Variants in CPN1 observed in about 807,000 individuals in gnomAD.
CPN1 encodes carboxypeptidase N catalytic chain.
A neutral mutation model predicts 46.4 loss-of-function variants in CPN1; 37 were observed. That is an observed-to-expected ratio of 0.80 (90% CI 0.61 to 1.05). The LOEUF (loss-of-function observed/expected upper bound fraction) is 1.05, where lower values mean the gene tolerates loss of function less well. CPN1 is among the 50% of genes least tolerant of loss of function. CPN1 has a pLI of 0.00. For missense variants in CPN1, 563 were observed against 602.6 expected (o/e 0.93, Z 0.69); for synonymous variants, 224 against 235.4 (o/e 0.95, Z 0.44).
Position 100,065,215 on chromosome 10 carries a change from G to A in CPN1, c.732C>T (p.Pro244=), listed in dbSNP as rs139499188. 11 of 1,613,862 alleles carry A rather than the reference G, an allele frequency of 6.8e-6. No individual in the cohort carries two copies. Among genetic ancestry groups the A allele is most frequent in the African/African-American group, 4.0e-5 (3 of 74,920 alleles). The change falls in exon 4 of 9, where the codon CCC becomes CCT. Residue 244 remains proline (P), a synonymous_variant. Coordinates refer to ENST00000370418, the MANE Select transcript of CPN1 (RefSeq NM_001308.3). ...VRGVRRTAST[P]TPDDKLFQKL... ...TCTGGAAGAGCTTGTCGTCAGGCGT[G>A]GGGGTGCTGGCGGTGCGGCGGACCC...
intron 5 of CPN1, among the ~76,000 whole-genome samples, chr10:100,059,592 C>CAAAA (rs71013408): frequency 0.022 from 2,575 of 114,958 alleles, 99 homozygotes; most frequent in African/African-American, 0.078. Context: ...TGGCTACTAT[C>CAAAA]AAAAAAAAAA....
At chr10:100,059,842 G>A (rs1312246855) in intron 5 of CPN1, among the ~76,000 whole-genome samples, 1 of 152,170 alleles carries the variant, frequency 6.6e-6, no homozygotes, top group Non-Finnish European at 1.5e-5. Flanking sequence ...AGCAACCCAA[G>A]TGTCCATTGG....
chr10:100,062,590 ATTCT>A (rs1333452549), intron 5 of CPN1, among the ~76,000 whole-genome samples: 2 of 139,714 alleles, frequency 1.4e-5, no homozygotes, highest in South Asian at 2.2e-4. Flanking sequence ...CGAGGCAAGT[ATTCT>A]TTCTTTTTTT....
intron 2 of CPN1, among the ~76,000 whole-genome samples, chr10:100,074,247 G>A (rs998093942): frequency 3.9e-5 from 6 of 152,168 alleles, no homozygotes; most frequent in South Asian, 2.1e-4. Flanking sequence ...GTGTAGCCAC[G>A]CAGACAGCTT....
rs1276756041 is a variant in CPN1, at chr10:100,056,896, C to A, written c.1011+117G>T. On this transcript the variant is annotated intron_variant, in intron 6 of 8. Coordinates refer to ENST00000370418, the MANE Select transcript of CPN1 (RefSeq NM_001308.3). ...ATAAATCTCAATGGAAGAAGACGCCCAGATCTATTGGACTGAGTCAGAGCA... is the reference window on the plus strand; with the variant it reads ...ATAAATCTCAATGGAAGAAGACGCCAAGATCTATTGGACTGAGTCAGAGCA... 2.4e-6 allele frequency: 3 copies of A among 1,256,556 alleles called. No homozygotes were observed. The Admixed American group carries it at 5.2e-5, about 22-fold the overall frequency. The allele number at this position is 1,256,556 out of a possible 1,614,324, so 77.8% of individuals were successfully genotyped here.
intron 7 of CPN1, among the ~76,000 whole-genome samples, chr10:100,050,581 A>C (rs143474623): frequency 6.6e-6 from 1 of 152,092 alleles, no homozygotes; most frequent in Non-Finnish European, 1.5e-5. Context: ...CTTATATTCA[A>C]TGGGAAGGCT....
chr10:100,055,561 G>A (rs957731207), intron 6 of CPN1, among the ~76,000 whole-genome samples: 6 of 152,100 alleles, frequency 3.9e-5, no homozygotes, highest in South Asian at 2.1e-4. Flanking sequence ...TTTCGCTCTC[G>A]TTGCCCAGGC....
At chr10:100,045,062 T>A (rs1015234184) in intron 8 of CPN1, among the ~76,000 whole-genome samples, 2 of 152,170 alleles carry the variant, frequency 1.3e-5, no homozygotes, top group Non-Finnish European at 2.9e-5. Context: ...TGCTTTAGAC[T>A]GGGAAGGGAG....
At chr10:100,046,051 C>T (rs1449458584) in intron 8 of CPN1, among the ~76,000 whole-genome samples, 3 of 152,168 alleles carry the variant, frequency 2.0e-5, no homozygotes, top group Non-Finnish European at 4.4e-5. Context: ...ACAACCAAAA[C>T]TGAAAAGATC....
Position 100,048,787 on chromosome 10 carries a change from C to G in CPN1, c.1201G>C (p.Val401Leu). The G allele has an allele frequency of 1.2e-6, 2 of 1,613,578 alleles. No homozygotes were observed. The highest frequency in any genetic ancestry group is 1.7e-6 in the Non-Finnish European group (2 of 1,179,594). ...APGYDPETVT[V>L]TVGPAEPTLV... ...GTTGGTTCCGCAGGACCCACGGTCACAGTTACTGTCTCTGGGTCATACCCA... is the reference window on the plus strand; with the variant it reads ...GTTGGTTCCGCAGGACCCACGGTCAGAGTTACTGTCTCTGGGTCATACCCA... The change falls in exon 8 of 9, where the codon GTG becomes CTG. Residue 401 changes from valine (V) to leucine (L), a missense_variant. Val to Leu is a conservative substitution (Grantham distance 32). Transcript: ENST00000370418.
At chr10:100,042,597 A>C in intron 8 of CPN1, 24 bp from the exon 9 acceptor site, 1 of 1,613,772 alleles carries the variant, frequency 6.2e-7, no homozygotes, top group African/African-American at 1.3e-5. Flanking sequence ...AGCAGGAGCT[A>C]CGAGATCCGT....
At chr10:100,042,643 G>A (rs1474252536) in intron 8 of CPN1, 70 bp from the exon 9 acceptor site, 9 of 1,592,364 alleles carry the variant, frequency 5.7e-6, no homozygotes, top group South Asian at 2.2e-5. Context: ...AGTTTCTGAG[G>A]GCTGGGTACT....
chr10:100,050,933 G>C (rs928771701), intron 7 of CPN1, among the ~76,000 whole-genome samples: 5 of 152,112 alleles, frequency 3.3e-5, no homozygotes, highest in Non-Finnish European at 1.5e-5. Context: ...TGCCCAGTGA[G>C]AATCTTATTT....
At chr10:100,066,911 C>T (rs1041463236) in intron 3 of CPN1, among the ~76,000 whole-genome samples, 1 of 152,238 alleles carries the variant, frequency 6.6e-6, no homozygotes, top group African/African-American at 2.4e-5. Context: ...AGAACAAGGC[C>T]AGCTTTTCAC....
Position 100,054,405 on chromosome 10 carries a change from G to A in CPN1, c.1053C>T (p.Tyr351=), listed in dbSNP as rs765438662. 3 of 1,614,078 alleles carry A rather than the reference G, an allele frequency of 1.9e-6. No individual in the cohort carries two copies. The East Asian group carries it at 6.7e-5, about 36-fold the overall frequency. The change falls in exon 7 of 9, where the codon TAC becomes TAT. Residue 351 remains tyrosine, a synonymous_variant. Coordinates refer to ENST00000370418, the MANE Select transcript of CPN1 (RefSeq NM_001308.3). ...GIKGMVLDEN[Y]NNLANAVISV... Reference sequence around the variant, plus strand: ...AAATGACAGCATTGGCGAGATTATTGTAATTCTCATCAAGCACCATTCCCT... The same window carrying A: ...AAATGACAGCATTGGCGAGATTATTATAATTCTCATCAAGCACCATTCCCT...
At chr10:100,044,668 A>G (rs117227223) in intron 8 of CPN1, among the ~76,000 whole-genome samples, 18,756 of 150,276 alleles carry the variant, frequency 0.12, 1,496 homozygotes, top group Non-Finnish European at 0.18. Flanking sequence ...GAGTCACCGC[A>G]CCCAGCTGAG....
chr10:100,056,869 G>A, intron 6 of CPN1, 144 bp downstream of exon 6: 2 of 1,011,002 alleles, frequency 2.0e-6, no homozygotes, highest in Non-Finnish European at 3.0e-6. Context: ...AATGTTGAAT[G>A]AATAAATCTC....
At chr10:100,077,878 C>T (rs2041524217) in intron 1 of CPN1, among the ~76,000 whole-genome samples, 1 of 151,716 alleles carries the variant, frequency 6.6e-6, no homozygotes, top group South Asian at 2.1e-4. Context: ...GTTTTAGTTC[C>T]CTCCGGTCTC....
chr10:100,063,566 T>C (rs1293599133), intron 5 of CPN1, 48 bp downstream of exon 5: 1 of 1,327,468 alleles, frequency 7.5e-7, no homozygotes, highest in Non-Finnish European at 1.1e-6. Context: ...GAAGGAGAAA[T>C]GAGCACTATT....
Sources: gnomAD v4.1 joint callset for allele counts (sites outside exome capture counted in the v4.1 genomes callset) on GRCh38, gnomAD v4.1.1 for gene constraint, MANE v1.5 for transcripts, NCBI Gene and HGNC (gene_info 2026-07-23, HGNC 2026-07-21) for gene names.